HSPA12A: variants seen among roughly 807,000 people sequenced by gnomAD.
The protein encoded by HSPA12A is heat shock protein family A (Hsp70) member 12A.
A neutral mutation model predicts 69.2 loss-of-function variants in HSPA12A; 28 were observed. That is an observed-to-expected ratio of 0.40 (90% confidence interval 0.30 to 0.55). The LOEUF (loss-of-function observed/expected upper bound fraction) is 0.55, where lower values mean the gene tolerates loss of function less well. HSPA12A is among the 20% of genes least tolerant of loss of function. The probability of loss-of-function intolerance (pLI) is 0.38; values close to 1 mark genes in which losing one functional copy is unlikely to be tolerated. For missense variants in HSPA12A, 686 were observed against 900.7 expected (o/e 0.76, Z 3.05); for synonymous variants, 345 against 370.5 (o/e 0.93, Z 0.79).
chr10:116,692,310 CCTT>C (rs1554880225), intron 6 of HSPA12A, 38 bp downstream of exon 6: 2 of 1,503,956 alleles, frequency 1.3e-6, no homozygotes, highest in East Asian at 2.3e-5. Flanking sequence ...CATCTTGAGT[CCTT>C]CTCCTCCGGC....
At chr10:116,763,506 G>A (rs1189149513) in intron 2 of HSPA12A, among the ~76,000 whole-genome samples, 2 of 152,122 alleles carry the variant, frequency 1.3e-5, no homozygotes, top group Non-Finnish European at 2.9e-5. Context: ...TTTGTATAGT[G>A]CGATATGATC....
chr10:116,681,155 T>C lies in HSPA12A; in HGVS notation c.1024A>G (p.Thr342Ala). The C allele has an allele frequency of 1.2e-6, 2 of 1,611,852 alleles. No homozygotes were observed. Among genetic ancestry groups the C allele is most frequent in the Non-Finnish European group, 1.7e-6 (2 of 1,177,914 alleles). Residue 342 changes from threonine (T) to alanine (A), a missense_variant, in exon 9 of 12, where the codon ACA becomes GCA. Transcript: ENST00000369209. ...AATTAGCCCTGCAGGGCCTCACCTG[T>C]TGCTTTATACAGTTCCTTAAGGTGT... ...EGHLKELYKA[T>A]GGPYGSLGVD... is the part of the protein sequence containing the mutation.
intron 6 of HSPA12A, among the ~76,000 whole-genome samples, chr10:116,689,220 G>A (rs1177093534): frequency 2.0e-5 from 2 of 102,162 alleles, no homozygotes; most frequent in Non-Finnish European, 3.8e-5. Flanking sequence ...GCAGGTGGGA[G>A]GTTCAAGTTC....
chr10:116,686,380 GGGGGAAGCTTCCACAAAAC>G lies in HSPA12A; in HGVS notation c.664-2437_664-2419del, dbSNP rs1319209741. Among the ~76,000 whole-genome samples, 1 of 152,184 alleles carries G rather than the reference GGGGGAAGCTTCCACAAAAC, an allele frequency of 6.6e-6. No individual in the cohort carries two copies. Among genetic ancestry groups the G allele is most frequent in the Non-Finnish European group, 1.5e-5 (1 of 68,034 alleles). ...CCTCCCAGGAGCATAGAAGGTCCAAGGGGGAAGCTTCCACAAAACGGGGTGAGGAAGAAGGGACAACTTG... is the reference window on the plus strand; with the variant it reads ...CCTCCCAGGAGCATAGAAGGTCCAAGGGGGTGAGGAAGAAGGGACAACTTG... On this transcript the variant is annotated intron_variant, in intron 6 of 11. Coordinates refer to ENST00000369209, the MANE Select transcript of HSPA12A (RefSeq NM_025015.3). The surrounding 1 kb of genome is among the most constrained non-coding windows in gnomAD (Gnocchi z 4.1).
chr10:116,691,514 G>A (rs3010464), intron 6 of HSPA12A, among the ~76,000 whole-genome samples: 78,748 of 151,454 alleles, frequency 0.52, 20,801 homozygotes, highest in Middle Eastern at 0.65. Context: ...ACACAACCCA[G>A]CCTCAGCTGA....
chr10:116,690,142 C>G (rs1050189590), intron 6 of HSPA12A, among the ~76,000 whole-genome samples: 1 of 152,152 alleles, frequency 6.6e-6, no homozygotes, highest in South Asian at 2.1e-4. Context: ...CATAGAGTTG[C>G]AAATTTCACT....
chr10:116,682,455 T>TGGGGG (rs782049148), intron 7 of HSPA12A, among the ~76,000 whole-genome samples: 6 of 127,662 alleles, frequency 4.7e-5, no homozygotes, highest in African/African-American at 1.8e-4. Context: ...GTAAATAGAC[T>TGGGGG]GGGGGGGGGG....
intron 2 of HSPA12A, among the ~76,000 whole-genome samples, chr10:116,761,790 G>A (rs1843978950): frequency 6.6e-6 from 1 of 152,130 alleles, no homozygotes; most frequent in African/African-American, 2.4e-5. Flanking sequence ...AACCTAGAGA[G>A]GAGAGAGATG....
intron 2 of HSPA12A, among the ~76,000 whole-genome samples, chr10:116,786,006 C>T (rs2133144556): frequency 6.6e-6 from 1 of 152,306 alleles, no homozygotes; most frequent in South Asian, 2.1e-4. Flanking sequence ...CTGCACCCGT[C>T]ATGAGGCCTT....
chr10:116,751,365 A>G (rs576596082), intron 2 of HSPA12A: 13 of 155,038 alleles, frequency 8.4e-5, no homozygotes, highest in African/African-American at 3.1e-4. Flanking sequence ...TTAAAGTTGC[A>G]TGTACATTTT....
chr10:116,786,235 A>G (rs1844574384), intron 2 of HSPA12A, among the ~76,000 whole-genome samples: 1 of 152,186 alleles, frequency 6.6e-6, no homozygotes, highest in Non-Finnish European at 1.5e-5. Flanking sequence ...TACTTCTTAA[A>G]ATAGACTGTT....
intron 2 of HSPA12A, among the ~76,000 whole-genome samples, chr10:116,814,804 G>A (rs903854181): frequency 1.4e-4 from 22 of 152,198 alleles, no homozygotes; most frequent in Non-Finnish European, 2.5e-4. Context: ...ACCTTGCTGG[G>A]AAGTTACATA....
intron 2 of HSPA12A, among the ~76,000 whole-genome samples, chr10:116,771,566 G>A (rs1276094840): frequency 6.6e-6 from 1 of 152,200 alleles, no homozygotes; most frequent in East Asian, 1.9e-4. Flanking sequence ...GAGGGCCCCC[G>A]GGAGGATGTT....
intron 1 of HSPA12A, 85 bp downstream of exon 1, chr10:116,742,345 A>G: frequency 1.5e-6 from 2 of 1,306,206 alleles, no homozygotes; most frequent in Admixed American, 3.6e-5. Context: ...ACGGCGCGCG[A>G]GGGGGTGCGG....
chr10:116,831,442 G>C (rs565947841), intron 2 of HSPA12A: 1 of 152,208 alleles, frequency 6.6e-6, no homozygotes, highest in African/African-American at 2.4e-5. Flanking sequence ...TACCGTGTCC[G>C]GAGGACGGTC....
At chr10:116,840,211 C>T (rs982396747) in intron 1 of HSPA12A, among the ~76,000 whole-genome samples, 3 of 152,032 alleles carry the variant, frequency 2.0e-5, no homozygotes, top group South Asian at 2.1e-4. Context: ...TTCCAACATT[C>T]GGTTTATAAG....
intron 1 of HSPA12A, among the ~76,000 whole-genome samples, chr10:116,736,964 A>G (rs1452370681): frequency 6.6e-6 from 1 of 152,168 alleles, no homozygotes; most frequent in Non-Finnish European, 1.5e-5. Flanking sequence ...CATAATAACA[A>G]TAACAGCCAA....
chr10:116,727,597 C>A (rs1019676807), intron 1 of HSPA12A, among the ~76,000 whole-genome samples: 1 of 152,048 alleles, frequency 6.6e-6, no homozygotes, highest in Non-Finnish European at 1.5e-5. Flanking sequence ...GGTGTAAAGG[C>A]GATAGACATT....
rs900007570 is a variant in HSPA12A, at chr10:116,674,981, C to T, written c.1828G>A (p.Val610Ile). ...ACCCCGGGATCAGTGATGAAGCTGA[C>T]GTTGTCGTGCTCAGAGCTGTAGATG... ...INIYSSEHDN[V>I]SFITDPGVKK... The change falls in exon 12 of 12, where the codon GTC (valine) becomes ATC (isoleucine). Residue 610 changes from valine (V) to isoleucine (I), a missense_variant. Coordinates refer to ENST00000369209, the MANE Select transcript of HSPA12A (RefSeq NM_025015.3). The T allele has an allele frequency of 3.7e-6, 6 of 1,614,142 alleles. No individual in the cohort carries two copies. The highest frequency in any genetic ancestry group is 2.2e-5 in the East Asian group (1 of 44,874).
Sources: allele counts gnomAD v4.1 joint callset (sites outside exome capture counted in the v4.1 genomes callset), GRCh38; gene constraint gnomAD v4.1.1; non-coding constraint Gnocchi (gnomAD v3.1); transcripts MANE v1.5; gene names NCBI Gene and HGNC (gene_info 2026-07-23, HGNC 2026-07-21).